The following DLC1 variants were observed in gnomAD, a reference collection of about 807,000 sequenced individuals.
The protein encoded by DLC1 is rho GTPase-activating protein 7.
In DLC1, 54 loss-of-function variants were observed where a neutral mutation model predicts 140.3. The ratio of observed to expected loss-of-function variants is 0.38; its 90% confidence interval spans 0.31 to 0.48. DLC1 has a LOEUF of 0.48. Ranked by LOEUF, DLC1 falls within the 20% of genes least tolerant of loss-of-function variation. The pLI, the probability that DLC1 is intolerant of heterozygous loss-of-function variation, is 0.96. For missense variants in DLC1, 2,536 were observed against 1,907.0 expected (o/e 1.33, Z -6.14); for synonymous variants, 986 against 728.1 (o/e 1.35, Z -5.70).
chr8:13,309,815 C>G (rs1832598304), intron 4 of DLC1, among the ~76,000 whole-genome samples: 1 of 152,124 alleles, frequency 6.6e-6, no homozygotes, highest in Non-Finnish European at 1.5e-5. Flanking sequence ...ATATCTGAAT[C>G]CATGACAATT....
At chr8:13,453,538 ACATATATATATATATATATTTTT>A (rs1799248348) in intron 2 of DLC1, among the ~76,000 whole-genome samples, 1 of 47,082 alleles carries the variant, frequency 2.1e-5, no homozygotes, top group African/African-American at 1.2e-4. Flanking sequence ...GTATATATAT[ACATATATATATATATATATTTTT>A]TTTTTTTTTT....
Position 13,368,922 on chromosome 8 carries a change from C to G in DLC1, c.1314+24631G>C, listed in dbSNP as rs563303424. Among the ~76,000 whole-genome samples, 46 of 152,236 alleles carry G rather than the reference C, an allele frequency of 3.0e-4. 1 individual carries two copies. The highest frequency in any genetic ancestry group is 1.1e-3 in the African/African-American group (45 of 41,548). ...CACTGCCACCTCTGCCTCCTGGTTT[C>G]AAGCAATTCCCCTGCCTCAGCCTCC... On this transcript the variant is annotated intron_variant, in intron 4 of 17. Transcript: ENST00000276297.
Position 13,127,129 on chromosome 8 carries a change from G to C in DLC1, c.1349-11472C>G, listed in dbSNP as rs145595817. On this transcript the variant is annotated intron_variant, in intron 5 of 17. Coordinates refer to ENST00000276297, the MANE Select transcript of DLC1 (RefSeq NM_182643.3). ...GTGAGAAAAAAGTAAGATTTGCTGT[G>C]TTCTAGGTGAGCTAAGGAATTATTT... 6.8e-4 allele frequency among the ~76,000 whole-genome samples: 103 copies of C among 152,326 alleles called. 1 individual carries two copies. The highest frequency in any genetic ancestry group is 3.4e-3 in the Middle Eastern group (1 of 294).
chr8:13,241,509 G>A (rs976745341), intron 5 of DLC1, among the ~76,000 whole-genome samples: 1 of 152,036 alleles, frequency 6.6e-6, no homozygotes, highest in Admixed American at 6.6e-5. Flanking sequence ...AGGTTCAAAG[G>A]TAGACTATAA....
chr8:13,347,576 G>C (rs1360962206), intron 4 of DLC1, among the ~76,000 whole-genome samples: 1 of 152,156 alleles, frequency 6.6e-6, no homozygotes, highest in Non-Finnish European at 1.5e-5. Flanking sequence ...ATTAGTTTGA[G>C]GGTTAGAGGA....
chr8:13,466,613 T>A (rs1461855519), intron 2 of DLC1, among the ~76,000 whole-genome samples: 2 of 152,126 alleles, frequency 1.3e-5, no homozygotes, highest in African/African-American at 4.8e-5. Flanking sequence ...CTTGTAAACA[T>A]CCACAACCAT....
rs190804106 is a variant in DLC1 at position 13,595,416 on chromosome 8, T to C, written c.-126+9121A>G. On this transcript the variant is annotated intron_variant, in intron 1 of 1. Transcript: ENST00000631382. The stretch of plus-strand genomic sequence containing the variant: ...GTTATGCAAACAGAAATTGTATATC[T>C]TTTAGTATTTAAAAGTGATTTTGTG... Among the ~76,000 whole-genome samples, 22 of 152,172 alleles carry C rather than the reference T, an allele frequency of 1.4e-4. No homozygotes were observed. The East Asian group carries it at 3.5e-3, about 24-fold the overall frequency.
At chr8:13,572,861 CATA>C (rs1804710958) in intron 1 of DLC1, among the ~76,000 whole-genome samples, 1 of 152,046 alleles carries the variant, frequency 6.6e-6, no homozygotes, top group African/African-American at 2.4e-5. Flanking sequence ...ACTCCAGTAC[CATA>C]ATATTTTTAT....
intron 1 of DLC1, among the ~76,000 whole-genome samples, chr8:13,573,189 A>C (rs1804724382): frequency 6.6e-6 from 1 of 152,062 alleles, no homozygotes; most frequent in Non-Finnish European, 1.5e-5. Context: ...TCCTTTGTTC[A>C]ATGTATTCGT....
intron 4 of DLC1, among the ~76,000 whole-genome samples, chr8:13,328,179 GT>G (rs1342279604): frequency 1.3e-5 from 2 of 152,168 alleles, no homozygotes; most frequent in Non-Finnish European, 2.9e-5. Flanking sequence ...GATAAATGAT[GT>G]GATTTGTGGT....
At chr8:13,133,102 T>C (rs1292477142) in intron 5 of DLC1, 1 of 1,487,694 alleles carries the variant, frequency 6.7e-7, no homozygotes, top group Non-Finnish European at 8.9e-7. Flanking sequence ...CCTCAACGCA[T>C]CCTTGCTCGC....
chr8:13,435,006 A>G (rs915782253), intron 2 of DLC1, among the ~76,000 whole-genome samples: 1 of 152,098 alleles, frequency 6.6e-6, no homozygotes, highest in Non-Finnish European at 1.5e-5. Context: ...TAAGAAATAC[A>G]TTTTGTAAGG....
chr8:13,213,347 A>G (rs562677361), intron 5 of DLC1, among the ~76,000 whole-genome samples: 57 of 152,314 alleles, frequency 3.7e-4, no homozygotes, highest in African/African-American at 1.3e-3. Context: ...TATCTTTGGA[A>G]TATATAGAAA....
At chr8:13,093,898 A>T (rs1271500447) in intron 12 of DLC1, among the ~76,000 whole-genome samples, 1 of 152,280 alleles carries the variant, frequency 6.6e-6, no homozygotes, top group Non-Finnish European at 1.5e-5. Flanking sequence ...CCTGATCTTG[A>T]TCATTAATTT....
At chr8:13,115,809 G>C in intron 5 of DLC1, 152 bp from the exon 6 acceptor site, 1 of 699,588 alleles carries the variant, frequency 1.4e-6, no homozygotes, top group Non-Finnish European at 2.4e-6. Flanking sequence ...AATTCGAATG[G>C]TTTACATTTT....
intron 5 of DLC1, among the ~76,000 whole-genome samples, chr8:13,230,389 G>T (rs1219183143): frequency 6.6e-6 from 1 of 152,140 alleles, no homozygotes; most frequent in Non-Finnish European, 1.5e-5. Context: ...TCAAAAGTCA[G>T]AGTATGTTTG....
intron 5 of DLC1, among the ~76,000 whole-genome samples, chr8:13,257,979 A>G (rs1830318080): frequency 6.6e-6 from 1 of 152,254 alleles, no homozygotes; most frequent in Non-Finnish European, 1.5e-5. Context: ...CTTGAAATAA[A>G]ATACATGTAA....
chr8:13,168,211 A>G (rs982342346), intron 5 of DLC1, among the ~76,000 whole-genome samples: 1 of 152,236 alleles, frequency 6.6e-6, no homozygotes, highest in Non-Finnish European at 1.5e-5. Flanking sequence ...AGAAGACAGC[A>G]CAAATAGCCT....
intron 5 of DLC1, among the ~76,000 whole-genome samples, chr8:13,238,972 C>T (rs1829418884): frequency 6.6e-6 from 1 of 152,136 alleles, no homozygotes; most frequent in Non-Finnish European, 1.5e-5. Flanking sequence ...CGTCAGGGCA[C>T]ACAGTCTAGC....
Sources: allele counts gnomAD v4.1 joint callset (sites outside exome capture counted in the v4.1 genomes callset), GRCh38; gene constraint gnomAD v4.1.1; transcripts MANE v1.5; gene names NCBI Gene and HGNC (gene_info 2026-07-23, HGNC 2026-07-21).